HIVEP3: variants seen among roughly 807,000 people sequenced by gnomAD.
HIVEP3 encodes the protein transcription factor HIVEP3.
Under a neutral mutation model 152.8 loss-of-function variants are expected in HIVEP3, and 49 were observed. The observed-to-expected ratio is 0.32, with a 90% CI of 0.26 to 0.41. The LOEUF (loss-of-function observed/expected upper bound fraction) is 0.41, where lower values mean the gene tolerates loss of function less well. Ranked by LOEUF, HIVEP3 falls within the 10% of genes least tolerant of loss-of-function variation. HIVEP3 has a pLI of 1.00. For synonymous variants in HIVEP3, 1,269 were observed against 1,289.0 expected, an observed-to-expected ratio of 0.98 and a Z score of 0.33; for missense variants, 2,790 against 3,103.3, an observed-to-expected ratio of 0.90 and a Z score of 2.40.
intron 1 of HIVEP3, among the ~76,000 whole-genome samples, chr1:41,881,775 C>A (rs1055136170): frequency 6.6e-6 from 1 of 152,166 alleles, no homozygotes; most frequent in African/African-American, 2.4e-5. Context: ...ACATTAAAAT[C>A]TTTTTAAAAA....
At chr1:41,544,720 G>C (rs112800411) in intron 5 of HIVEP3, among the ~76,000 whole-genome samples, 19,600 of 56,858 alleles carry the variant, frequency 0.34, 1,932 homozygotes, top group Middle Eastern at 0.46. Flanking sequence ...ACTACCACCT[G>C]TACCACCACC....
At chr1:41,806,027 TAGA>T (rs1248289412) in intron 1 of HIVEP3, among the ~76,000 whole-genome samples, 1 of 152,148 alleles carries the variant, frequency 6.6e-6, no homozygotes, top group African/African-American at 2.4e-5. Flanking sequence ...ATCACAATGG[TAGA>T]AGCAGTACCA....
chr1:41,821,390 C>A (rs148739993), intron 1 of HIVEP3, among the ~76,000 whole-genome samples: 2 of 152,184 alleles, frequency 1.3e-5, no homozygotes, highest in Admixed American at 1.3e-4. Context: ...AAATGCCATC[C>A]TCTATTTCAT....
chr1:41,964,874 C>T (rs1053998693), intron 1 of HIVEP3, among the ~76,000 whole-genome samples: 1 of 152,260 alleles, frequency 6.6e-6, no homozygotes, highest in Non-Finnish European at 1.5e-5. Context: ...AAGCGGGATT[C>T]CCCCAAGAGC....
At chr1:42,025,888 G>T (rs1645578956) in intron 1 of HIVEP3, among the ~76,000 whole-genome samples, 1 of 151,992 alleles carries the variant, frequency 6.6e-6, no homozygotes. Flanking sequence ...TGGGCAACAT[G>T]GCAAAACCCT....
At position 41,583,474 on chromosome 1, in the gene HIVEP3, G is replaced by T. The variant is rs201881142; in HGVS notation, c.1324C>A (p.Pro442Thr). ...LTATSTQPLLPLSTEDKPSLV... is the reference protein window; with the variant it reads ...LTATSTQPLLTLSTEDKPSLV... Reference sequence around the variant, plus strand: ...CTGGGCTTGTCTTCGGTGGACAGGGGCAGGAGGGGCTGGGTGGAGGTGGCT... The same window carrying T: ...CTGGGCTTGTCTTCGGTGGACAGGGTCAGGAGGGGCTGGGTGGAGGTGGCT... The change falls in exon 4 of 9, where the codon CCC becomes ACC. Residue 442 changes from proline (P) to threonine (T), a missense_variant. Around this residue, in one of 9 missense-constraint regions of HIVEP3, gnomAD observed 134 missense variants for 242.5 expected, o/e 0.55. Coordinates refer to ENST00000372583, the MANE Select transcript of HIVEP3 (RefSeq NM_024503.5). This position sits in a 1 kb window ranked among gnomAD's most constrained non-coding sequence, Gnocchi z 6.9. The T allele has an allele frequency of 7.9e-5, 127 of 1,613,484 alleles. No individual in the cohort carries two copies. The highest frequency in any genetic ancestry group is 1.3e-4 in the Admixed American group (8 of 59,998).
chr1:41,744,418 G>T (rs1647041023), intron 1 of HIVEP3, among the ~76,000 whole-genome samples: 1 of 152,228 alleles, frequency 6.6e-6, no homozygotes, highest in Non-Finnish European at 1.5e-5. Context: ...AATCAAACTA[G>T]TTCCTGCATG....
At chr1:41,528,255 C>T (rs1479669169) in intron 5 of HIVEP3, among the ~76,000 whole-genome samples, 5 of 127,944 alleles carry the variant, frequency 3.9e-5, no homozygotes, top group African/African-American at 1.2e-4. Flanking sequence ...CACCCTCACA[C>T]CCCTCCACCC....
intron 1 of HIVEP3, among the ~76,000 whole-genome samples, chr1:41,724,012 C>T (rs1646715543): frequency 6.6e-6 from 1 of 152,126 alleles, no homozygotes; most frequent in Non-Finnish European, 1.5e-5. Flanking sequence ...CTATAATCTG[C>T]CTGTAAACTC....
At chr1:41,518,345 G>A in intron 7 of HIVEP3, 57 bp downstream of exon 7, 1 of 1,431,266 alleles carries the variant, frequency 7.0e-7, no homozygotes, top group South Asian at 1.1e-5. Context: ...GAAAGGTGGA[G>A]GAGGATAGGG....
At chr1:41,900,621 AG>A (rs1557501911) in intron 1 of HIVEP3, among the ~76,000 whole-genome samples, 1 of 151,470 alleles carries the variant, frequency 6.6e-6, no homozygotes, top group African/African-American at 2.4e-5. Context: ...CAAATTTCCC[AG>A]TAGAGAGGGA....
intron 5 of HIVEP3, among the ~76,000 whole-genome samples, chr1:41,556,737 G>A (rs1215295827): frequency 3.9e-5 from 6 of 152,152 alleles, no homozygotes; most frequent in Admixed American, 2.6e-4. Context: ...CTTCCCTTAT[G>A]TTTTCTCCTA....
intron 1 of HIVEP3, among the ~76,000 whole-genome samples, chr1:41,915,889 C>T (rs1195028404): frequency 2.0e-5 from 3 of 152,130 alleles, no homozygotes; most frequent in Admixed American, 6.5e-5. Flanking sequence ...CCGCCTAGTG[C>T]ATCTGCAGAT....
chr1:42,012,092 C>T (rs1035245938), intron 1 of HIVEP3, among the ~76,000 whole-genome samples: 4 of 152,208 alleles, frequency 2.6e-5, no homozygotes, highest in African/African-American at 9.6e-5. Flanking sequence ...AATATAAACC[C>T]TGGAACATTT....
At chr1:42,007,254 G>A (rs1645465337) in intron 1 of HIVEP3, among the ~76,000 whole-genome samples, 1 of 152,192 alleles carries the variant, frequency 6.6e-6, no homozygotes, top group African/African-American at 2.4e-5. Context: ...CGTGAGGTAG[G>A]GATGTGAATA....
chr1:41,994,653 T>C (rs977741453), intron 1 of HIVEP3, among the ~76,000 whole-genome samples: 1 of 152,222 alleles, frequency 6.6e-6, no homozygotes, highest in Non-Finnish European at 1.5e-5. Context: ...CTCCCAGCCA[T>C]GCTTCCTGTT....
chr1:41,660,950 AC>A (rs1351637582), intron 2 of HIVEP3, among the ~76,000 whole-genome samples: 1 of 152,122 alleles, frequency 6.6e-6, no homozygotes, highest in East Asian at 1.9e-4. Context: ...CTTATTAATG[AC>A]CCCTTTTTTG....
intron 2 of HIVEP3, among the ~76,000 whole-genome samples, chr1:41,675,684 T>C (rs1331152554): frequency 1.3e-5 from 2 of 152,202 alleles, no homozygotes; most frequent in Admixed American, 6.5e-5. Flanking sequence ...ACTGAGGTGC[T>C]GTCTCCACTC....
intron 1 of HIVEP3, among the ~76,000 whole-genome samples, chr1:41,913,925 G>C (rs148005855): frequency 2.0e-4 from 30 of 152,172 alleles, no homozygotes; most frequent in Middle Eastern, 6.8e-3. Flanking sequence ...CCCAATTCAA[G>C]GGTCCACCGA....
Sources: gnomAD v4.1 joint callset for allele counts (sites outside exome capture counted in the v4.1 genomes callset) on GRCh38, gnomAD v4.1.1 for gene constraint, gnomAD v4.1.1 regional missense constraint, Gnocchi (gnomAD v3.1) non-coding constraint, MANE v1.5 for transcripts, NCBI Gene and HGNC (gene_info 2026-07-23, HGNC 2026-07-21) for gene names.